The following LOC400499 variants were observed in gnomAD, a reference collection of about 807,000 sequenced individuals.
chr16:11,445,203 T>A, the LOC400499 span, among the ~76,000 whole-genome samples: 1 of 151,962 alleles, frequency 6.6e-6, no homozygotes, highest in Non-Finnish European at 1.5e-5. Flanking sequence ...GGCAGATCAC[T>A]TGAAGTCAGA....
the LOC400499 span, among the ~76,000 whole-genome samples, chr16:11,449,266 G>C: frequency 6.6e-6 from 1 of 152,128 alleles, no homozygotes; most frequent in African/African-American, 2.4e-5. Context: ...GTGCAGGTAG[G>C]CTAGTTTTCT....
the LOC400499 span, chr16:11,384,332 G>A: frequency 2.4e-6 from 3 of 1,228,122 alleles, no homozygotes; most frequent in Non-Finnish European, 3.0e-6. Flanking sequence ...ATGCCTGTGG[G>A]GAAGAGGGAA....
the LOC400499 span, among the ~76,000 whole-genome samples, chr16:11,498,928 G>A: frequency 1.3e-5 from 2 of 149,798 alleles, no homozygotes; most frequent in African/African-American, 4.9e-5. Flanking sequence ...GGAAAGTAAA[G>A]TACCTTGCCC....
the LOC400499 span, among the ~76,000 whole-genome samples, chr16:11,489,913 G>A: frequency 6.6e-6 from 1 of 152,240 alleles, no homozygotes; most frequent in South Asian, 2.1e-4. Context: ...GCCAAAGGTA[G>A]CTGTGCAGGT....
At chr16:11,386,599 T>A in the LOC400499 span, among the ~76,000 whole-genome samples, 1 of 152,022 alleles carries the variant, frequency 6.6e-6, no homozygotes, top group Non-Finnish European at 1.5e-5. Flanking sequence ...ACATGCCCAT[T>A]ACCCATATGA....
the LOC400499 span, chr16:11,522,174 C>A: frequency 2.5e-6 from 1 of 398,814 alleles, no homozygotes; most frequent in East Asian, 3.6e-5. Flanking sequence ...GGGATCCCAA[C>A]TCCACCTCCA....
chr16:11,498,414 G>A, the LOC400499 span, among the ~76,000 whole-genome samples: 1 of 152,082 alleles, frequency 6.6e-6, no homozygotes, highest in Non-Finnish European at 1.5e-5. Flanking sequence ...CCCGGGAGGT[G>A]GAGGTTGCAG....
At chr16:11,388,561 T>C in the LOC400499 span, among the ~76,000 whole-genome samples, 2 of 152,136 alleles carry the variant, frequency 1.3e-5, no homozygotes, top group Non-Finnish European at 2.9e-5. Context: ...AGGGGGAGGA[T>C]ACTGGGTCCC....
chr16:11,445,973 T>C, the LOC400499 span, among the ~76,000 whole-genome samples: 2 of 151,768 alleles, frequency 1.3e-5, no homozygotes, highest in African/African-American at 4.8e-5. Flanking sequence ...TGCAGGTACC[T>C]ACCACCATGC....
the LOC400499 span, chr16:11,459,799 T>G: frequency 6.5e-3 from 7,730 of 1,194,214 alleles, 433 homozygotes; most frequent in African/African-American, 0.11. Flanking sequence ...GCTTGCATCC[T>G]TGTAGCCAGG....
the LOC400499 span, among the ~76,000 whole-genome samples, chr16:11,477,170 G>A: frequency 6.6e-6 from 1 of 152,244 alleles, no homozygotes; most frequent in Admixed American, 6.5e-5. Context: ...GAAAGCACCT[G>A]CCTGGGTTCC....
chr16:11,405,853 C>T, the LOC400499 span, among the ~76,000 whole-genome samples: 2 of 152,120 alleles, frequency 1.3e-5, no homozygotes, highest in Non-Finnish European at 2.9e-5. Context: ...ACAATGCAAA[C>T]GCCTCCCTGT....
the LOC400499 span, chr16:11,523,361 C>T: frequency 1.3e-5 from 5 of 398,546 alleles, no homozygotes; most frequent in African/African-American, 4.1e-5. Context: ...GGGCCCTGTA[C>T]TGGGCTCAGG....
the LOC400499 span, among the ~76,000 whole-genome samples, chr16:11,463,085 C>A: frequency 2.0e-5 from 3 of 152,242 alleles, no homozygotes; most frequent in Non-Finnish European, 4.4e-5. Context: ...GAGGCCAGAA[C>A]TTTCTCTGCT....
chr16:11,397,756 ATG>A, the LOC400499 span, among the ~76,000 whole-genome samples: 2 of 14,168 alleles, frequency 1.4e-4, no homozygotes, highest in Non-Finnish European at 4.1e-4. Flanking sequence ...GGAGGGAGGG[ATG>A]GAGGGAGGGA....
chr16:11,395,657 G>C, the LOC400499 span, among the ~76,000 whole-genome samples: 1 of 152,196 alleles, frequency 6.6e-6, no homozygotes, highest in Non-Finnish European at 1.5e-5. Context: ...TTGTACAAAT[G>C]TGTTTGCTCC....
chr16:11,433,670 C>T, the LOC400499 span, among the ~76,000 whole-genome samples: 5 of 152,038 alleles, frequency 3.3e-5, no homozygotes, highest in Middle Eastern at 3.2e-3. Context: ...AACTTTCAGC[C>T]CCACATCCCA....
chr16:11,393,264 G>A, the LOC400499 span: 6 of 709,608 alleles, frequency 8.5e-6, no homozygotes, highest in Non-Finnish European at 9.7e-6. Flanking sequence ...AAAGTGCTAG[G>A]ATTACAGGTA....
the LOC400499 span, chr16:11,396,711 G>A: frequency 8.1e-7 from 1 of 1,231,078 alleles, no homozygotes; most frequent in Non-Finnish European, 1.0e-6. Flanking sequence ...GGCAGGCACA[G>A]GGGTGGCAGC....
Sources: allele counts gnomAD v4.1 joint callset (sites outside exome capture counted in the v4.1 genomes callset), GRCh38; gene constraint gnomAD v4.1.1; transcripts MANE v1.5.